FAT4: variants seen among roughly 807,000 people sequenced by gnomAD.
The protein encoded by FAT4 is FAT atypical cadherin 4.
A neutral mutation model predicts 303.9 loss-of-function variants in FAT4; 84 were observed. That is an observed-to-expected ratio of 0.28 (90% CI 0.23 to 0.33). The LOEUF is 0.33. Among genes scored for constraint, FAT4 ranks in the 10% least tolerant of loss-of-function variants. The pLI, the probability that FAT4 is intolerant of heterozygous loss-of-function variation, is 1.00. For synonymous variants in FAT4, 2,307 were observed against 2,298.8 expected (o/e 1.00, Z -0.10); for missense variants, 6,005 against 6,146.8 (o/e 0.98, Z 0.77).
intron 2 of FAT4, among the ~76,000 whole-genome samples, chr4:125,328,959 G>T (rs10212625): frequency 0.53 from 76,661 of 143,524 alleles, 20,141 homozygotes; most frequent in Non-Finnish European, 0.6. Context: ...TTCTATACTT[G>T]TTCATGTTAA....
At chr4:125,387,218 A>T (rs1233122282) in intron 2 of FAT4, among the ~76,000 whole-genome samples, 2 of 152,210 alleles carry the variant, frequency 1.3e-5, no homozygotes, top group African/African-American at 4.8e-5. Flanking sequence ...ATAGAATAGC[A>T]TAGCTATGAG....
In FAT4 at chr4:125,491,059, C is replaced by T; in HGVS notation, c.14243C>T (p.Ala4748Val). Residue 4748 changes from alanine to valine, a missense_variant, in exon 18 of 18, where the codon GCC becomes GTC. Transcript: ENST00000394329. The stretch of plus-strand genomic sequence containing the variant: ...TGCCAACCTGGCATTTTCAACTATG[C>T]CACAAGGCTGGGAAGGAGAAGCAAG... ...DTCQPGIFNY[A>V]TRLGRRSKSP... is the part of the protein sequence containing the mutation. 2 of 1,614,174 alleles carry T rather than the reference C, an allele frequency of 1.2e-6. No individual in the cohort carries two copies. Among genetic ancestry groups the T allele is most frequent in the Non-Finnish European group, 1.7e-6 (2 of 1,180,034 alleles).
chr4:125,437,562 C>T lies in FAT4; in HGVS notation c.7199+3137C>T, dbSNP rs927927642. On this transcript the variant is annotated intron_variant, in intron 8 of 17. Transcript: ENST00000394329. ...CATAGAGGACTGAGAAATTTCTGTC[C>T]AGGGTCATAACCCGTTTGAGTCATT... is the stretch of plus-strand genomic sequence containing the variant. 1.2e-4 allele frequency among the ~76,000 whole-genome samples: 19 copies of T among 152,064 alleles called. 1 individual carries two copies. The highest frequency in any genetic ancestry group is 1.5e-5 in the Non-Finnish European group (1 of 68,012).
In FAT4 at chr4:125,321,449, C is replaced by G; in HGVS notation, c.5038C>G (p.Leu1680Val). Residue 1680 changes from leucine (L) to valine (V), a missense_variant, in exon 2 of 18, where the codon CTC becomes GTC. Transcript: ENST00000394329. ...TTGTGAAGAAAAAACTGTTGGACGC[C>G]TCTTTACTATTGGACGACATACTGG... Reference protein sequence around the residue: ...VRCEEKTVGRLFTIGRHTGII... With the variant: ...VRCEEKTVGRVFTIGRHTGII... 6.2e-7 allele frequency: 1 copy of G among 1,614,068 alleles called. No homozygotes were observed. Among genetic ancestry groups the G allele is most frequent in the Non-Finnish European group, 8.5e-7 (1 of 1,179,996 alleles).
In FAT4 at chr4:125,451,461, C is replaced by T; in HGVS notation, c.10451C>T (p.Ala3484Val). The T allele has an allele frequency of 6.2e-7, 1 of 1,614,106 alleles. No homozygotes were observed. The highest frequency in any genetic ancestry group is 1.3e-5 in the African/African-American group (1 of 75,022). The change falls in exon 10 of 18, where the codon GCT (alanine) becomes GTT (valine). Residue 3484 changes from alanine (A) to valine (V), a missense_variant. Ala to Val is a moderately conservative substitution (Grantham distance 64). Transcript: ENST00000394329. ...CCCATCTATAATCTCTCAGTTTTGGCTGTTGATTCAGGGACCCCCTCAGCT... is the reference window on the plus strand; with the variant it reads ...CCCATCTATAATCTCTCAGTTTTGGTTGTTGATTCAGGGACCCCCTCAGCT... ...TLPIYNLSVL[A>V]VDSGTPSATG...
At chr4:125,401,361 CT>C (rs1313575706) in intron 3 of FAT4, among the ~76,000 whole-genome samples, 1 of 151,796 alleles carries the variant, frequency 6.6e-6, no homozygotes, top group Non-Finnish European at 1.5e-5. Flanking sequence ...TTATTTTCTA[CT>C]TTATTCTCAG....
At chr4:125,457,507 A>G (rs1166265467) in intron 10 of FAT4, among the ~76,000 whole-genome samples, 4 of 152,072 alleles carry the variant, frequency 2.6e-5, no homozygotes, top group South Asian at 4.1e-4. Context: ...TATAACATGT[A>G]TTTCTTATCT....
chr4:125,492,457 C>G lies in FAT4; in HGVS notation c.*689C>G, dbSNP rs1001849568. 2 of 152,218 alleles carry G rather than the reference C, an allele frequency of 1.3e-5. No homozygotes were observed. Among genetic ancestry groups the G allele is most frequent in the Non-Finnish European group, 2.9e-5 (2 of 68,050 alleles). The allele number at this position is 152,218 out of a possible 1,614,324, so 9.4% of individuals were successfully genotyped here. On this transcript the variant is annotated 3_prime_UTR_variant, in exon 18 of 18. Transcript: ENST00000394329. ...GCTTCCATTAGGAACAGAATGATTG[C>G]ATGTTGTCCCCAGAACACTGCCACC...
rs575305944 is a variant in FAT4, at chr4:125,388,188, C to G, written c.5176-10596C>G. Among the ~76,000 whole-genome samples, 5 of 152,228 alleles carry G rather than the reference C, an allele frequency of 3.3e-5. No homozygotes were observed. In the East Asian group the frequency reaches 9.6e-4, roughly 29 times the overall value. On this transcript the variant is annotated intron_variant, in intron 2 of 17. Transcript: ENST00000394329. The stretch of plus-strand genomic sequence containing the variant: ...TTTTATAGATAGCCCATTGTCCAAT[C>G]CAAATATTATGAAAGAGCCCAAAAA...
intron 5 of FAT4, among the ~76,000 whole-genome samples, chr4:125,412,400 A>AT (rs1319284684): frequency 5.9e-5 from 9 of 151,722 alleles, no homozygotes; most frequent in Admixed American, 3.9e-4. Flanking sequence ...AAATAGTTAT[A>AT]TTTTTTATTT....
Position 125,450,727 on chromosome 4 carries a change from C to A in FAT4, c.9717C>A (p.Asp3239Glu), listed in dbSNP as rs1447109392. The change falls in exon 10 of 18, where the codon GAC (aspartate) becomes GAA (glutamate). Residue 3239 changes from aspartate (D) to glutamate (E), a missense_variant. Physicochemically the swap from Asp to Glu is conservative, Grantham distance 45. Coordinates refer to ENST00000394329, the MANE Select transcript of FAT4 (RefSeq NM_001291303.3). ...TTGCGTATACTGTACAGTCATCTGA[C>A]AGTGACCTCTTTGTCATTGACCCTA... The part of the protein sequence containing the change: ...AVIAYTVQSS[D>E]SDLFVIDPNT... 3 of 1,614,116 alleles carry A rather than the reference C, an allele frequency of 1.9e-6. No individual in the cohort carries two copies. The African/African-American group carries it at 4.0e-5, about 22-fold the overall frequency.
intron 2 of FAT4, among the ~76,000 whole-genome samples, chr4:125,358,420 T>G (rs1478685916): frequency 1.3e-5 from 2 of 152,034 alleles, no homozygotes; most frequent in Non-Finnish European, 1.5e-5. Context: ...GCAGAATTAG[T>G]GGGAGTCCTG....
intron 2 of FAT4, among the ~76,000 whole-genome samples, chr4:125,340,193 A>AT (rs1731729454): frequency 6.6e-6 from 1 of 152,126 alleles, no homozygotes; most frequent in Non-Finnish European, 1.5e-5. Context: ...AAAATATTTA[A>AT]TTTTATATGT....
chr4:125,479,342 G>A (rs1395244), intron 14 of FAT4, among the ~76,000 whole-genome samples: 114,871 of 152,016 alleles, frequency 0.76, 43,530 homozygotes, highest in East Asian at 0.85. Flanking sequence ...TTAGAACAGT[G>A]CTTAGCATAT....
chr4:125,398,430 C>T (rs1301990867), intron 2 of FAT4, among the ~76,000 whole-genome samples: 1 of 152,136 alleles, frequency 6.6e-6, no homozygotes, highest in Non-Finnish European at 1.5e-5. Flanking sequence ...TGTCAGGCAG[C>T]ATTTAATGGT....
chr4:125,381,302 G>T (rs984828727), intron 2 of FAT4, among the ~76,000 whole-genome samples: 1 of 152,084 alleles, frequency 6.6e-6, no homozygotes, highest in African/African-American at 2.4e-5. Context: ...TGGTTATATT[G>T]CTATGATCAG....
In FAT4 at chr4:125,320,187, C is replaced by T; in HGVS notation, c.3776C>T (p.Ala1259Val). The T allele has an allele frequency of 2.5e-6, 4 of 1,613,614 alleles. No individual in the cohort carries two copies. Among genetic ancestry groups the T allele is most frequent in the Non-Finnish European group, 3.4e-6 (4 of 1,179,566 alleles). The change falls in exon 2 of 18, where the codon GCT (alanine) becomes GTT (valine). Residue 1259 changes from alanine (A) to valine (V), a missense_variant. Transcript: ENST00000394329. ...IIKGNEERQF[A>V]IDSTSGQVTL... ...AAAGGAAATGAAGAAAGACAGTTTGCTATAGACAGTACCTCTGGTCAGGTA... is the reference window on the plus strand; with the variant it reads ...AAAGGAAATGAAGAAAGACAGTTTGTTATAGACAGTACCTCTGGTCAGGTA...
At chr4:125,335,357 A>G (rs28707694) in intron 2 of FAT4, among the ~76,000 whole-genome samples, 10,984 of 152,006 alleles carry the variant, frequency 0.072, 1,310 homozygotes, top group African/African-American at 0.24. Flanking sequence ...GGGTTGAGGT[A>G]GTGTTGTGAT....
In FAT4 at chr4:125,479,759, C is replaced by T. The variant is rs190749052; in HGVS notation, c.12498C>T (p.Gly4166=). The change falls in exon 15 of 18, where the codon GGC becomes GGT. Residue 4166 remains glycine, a synonymous_variant. Transcript: ENST00000394329. ...ATTTTAGATGCCCTAGGCTGGAAGG[C>T]GCTTGTACTCGCAGCCCATGCCAAC... The part of the protein sequence containing the change: ...GILDQCPRLE[G]ACTRSPCQHG... The T allele has an allele frequency of 4.3e-5, 68 of 1,594,888 alleles. No homozygotes were observed. Among genetic ancestry groups the T allele is most frequent in the African/African-American group, 3.1e-4 (23 of 74,856 alleles).
Sources: gnomAD v4.1 joint callset for allele counts (sites outside exome capture counted in the v4.1 genomes callset) on GRCh38, gnomAD v4.1.1 for gene constraint, MANE v1.5 for transcripts, NCBI Gene and HGNC (gene_info 2026-07-23, HGNC 2026-07-21) for gene names.